Variants in PKHD1L1 observed in about 807,000 individuals in gnomAD.
PKHD1L1 encodes PKHD1 like 1.
In PKHD1L1, 434 loss-of-function variants were observed where a neutral mutation model predicts 462.9. That is an observed-to-expected ratio of 0.94 (90% CI 0.87 to 1.02). The LOEUF (loss-of-function observed/expected upper bound fraction) is 1.02, where lower values mean the gene tolerates loss of function less well. Among genes scored for constraint, PKHD1L1 ranks in the 50% least tolerant of loss-of-function variants. The probability of loss-of-function intolerance (pLI) is 0.00; values close to 1 mark genes in which losing one functional copy is unlikely to be tolerated. For missense variants in PKHD1L1, 5,202 were observed against 5,096.1 expected, an observed-to-expected ratio of 1.02 and a Z score of -0.63; for synonymous variants, 1,781 against 1,750.0, an observed-to-expected ratio of 1.02 and a Z score of -0.44.
intron 71 of PKHD1L1, among the ~76,000 whole-genome samples, chr8:109,513,498 A>T (rs1262282148): frequency 6.6e-6 from 1 of 152,126 alleles, no homozygotes; most frequent in Non-Finnish European, 1.5e-5. Context: ...CTCAGCCAGG[A>T]TCATTAAATT....
intron 2 of PKHD1L1, among the ~76,000 whole-genome samples, chr8:109,378,716 T>G (rs1811958893): frequency 6.6e-6 from 1 of 152,210 alleles, no homozygotes; most frequent in Non-Finnish European, 1.5e-5. Context: ...TATACACAGT[T>G]GCTAACTTTG....
rs761186849 is a variant in PKHD1L1, at chr8:109,483,012, T to G, written c.9483T>G (p.His3161Gln). 6.3e-7 allele frequency: 1 copy of G among 1,595,122 alleles called. No homozygotes were observed. The highest frequency in any genetic ancestry group is 8.5e-7 in the Non-Finnish European group (1 of 1,170,982). ...GGGTGTTTGGTGAGCTGGATCTTCA[T>G]GGAATTCCACATTCAATATATAAAA... ...VLGVFGELDL[H>Q]GIPHSIYKTK... The change falls in exon 57 of 78, where the codon CAT becomes CAG. Residue 3161 changes from histidine (H) to glutamine (Q), a missense_variant. Physicochemically the swap from His to Gln is conservative, Grantham distance 24 (BLOSUM62 0). Coordinates refer to ENST00000378402, the MANE Select transcript of PKHD1L1 (RefSeq NM_177531.6).
chr8:109,508,516 G>A (rs1410041062), intron 70 of PKHD1L1, among the ~76,000 whole-genome samples: 1 of 151,986 alleles, frequency 6.6e-6, no homozygotes, highest in Non-Finnish European at 1.5e-5. Flanking sequence ...ATGGAGAGGA[G>A]AGCAAGAAGT....
At position 109,507,909 on chromosome 8, in the gene PKHD1L1, T is replaced by G. The variant is rs1247676085; in HGVS notation, c.11227+14T>G. The G allele has an allele frequency of 6.2e-7, 1 of 1,612,248 alleles. No individual in the cohort carries two copies. The highest frequency in any genetic ancestry group is 8.5e-7 in the Non-Finnish European group (1 of 1,178,582). On this transcript the variant is annotated intron_variant, in intron 69 of 77. Transcript: ENST00000378402. ...CACCTCATAAAGGTTTGTTGGATCT[T>G]GCTTAATCTGTCATTAGGCCTTAAA... is the stretch of plus-strand genomic sequence containing the variant.
rs1202391066 is a variant in PKHD1L1, at chr8:109,441,345, T to C, written c.4170T>C (p.Asn1390=). 3 of 1,583,228 alleles carry C rather than the reference T, an allele frequency of 1.9e-6. No individual in the cohort carries two copies. Among genetic ancestry groups the C allele is most frequent in the East Asian group, 4.5e-5 (2 of 44,160 alleles). Residue 1390 remains asparagine, a synonymous_variant, in exon 34 of 78, where the codon AAT becomes AAC. Transcript: ENST00000378402. ...VIKCILHSTG[N]IFRITNNGKD... The stretch of plus-strand genomic sequence containing the variant: ...AATGTATTCTTCATTCAACTGGGAA[T>C]ATATTCAGGATTACCAACAATGGGA...
Position 109,384,107 on chromosome 8 carries a change from C to T in PKHD1L1, c.455C>T (p.Thr152Ile), listed in dbSNP as rs1225055102. The change falls in exon 5 of 78, where the codon ACA (threonine) becomes ATA (isoleucine). Residue 152 changes from threonine to isoleucine, a missense_variant. By Grantham distance (89) the Thr-to-Ile change is moderately conservative. This residue lies in a region of PKHD1L1 where 4,497 missense variants were observed against 4,336.8 expected (regional missense o/e 1.04). Transcript: ENST00000378402. ...AGAACCCCAACAATAAGAAGCATCACACCTTTATCTGGAACTCCAGGTCTG... is the reference window on the plus strand; with the variant it reads ...AGAACCCCAACAATAAGAAGCATCATACCTTTATCTGGAACTCCAGGTCTG... ...SFRTPTIRSI[T>I]PLSGTPGTLI... is the part of the protein sequence containing the mutation. 1.2e-6 allele frequency: 2 copies of T among 1,611,118 alleles called. No individual in the cohort carries two copies.
At chr8:109,527,347 T>TA (rs148247296) in intron 77 of PKHD1L1, among the ~76,000 whole-genome samples, 22,515 of 151,640 alleles carry the variant, frequency 0.15, 2,199 homozygotes, top group South Asian at 0.37. Context: ...ACTAAAAATA[T>TA]AAAAAAATTA....
At chr8:109,521,988 TA>T (rs1488401726) in intron 73 of PKHD1L1, among the ~76,000 whole-genome samples, 197 bp from the exon 74 acceptor site, 1 of 152,164 alleles carries the variant, frequency 6.6e-6, no homozygotes, top group East Asian at 1.9e-4. Flanking sequence ...AATTCCAACT[TA>T]AAATATATTC....
chr8:109,433,599 G>A (rs1365655996), intron 28 of PKHD1L1, among the ~76,000 whole-genome samples: 1 of 152,112 alleles, frequency 6.6e-6, no homozygotes, highest in African/African-American at 2.4e-5. Flanking sequence ...GCAGGAAGAG[G>A]ACCTGGCCAT....
chr8:109,454,784 G>C lies in PKHD1L1; in HGVS notation c.6806G>C (p.Arg2269Pro), dbSNP rs762177904. Residue 2269 changes from arginine (R) to proline (P), a missense_variant, in exon 45 of 78, where the codon CGA becomes CCA. This residue lies in a region of PKHD1L1 where 4,497 missense variants were observed against 4,336.8 expected (regional missense o/e 1.04). Coordinates refer to ENST00000378402, the MANE Select transcript of PKHD1L1 (RefSeq NM_177531.6). ...KAVITLHGHL[R>P]SPELPVYGAK... ...GTCATTACCTTGCATGGTCACCTGC[G>C]ATCTCCTGAGCTCCCTGTCTATGGT... is the stretch of plus-strand genomic sequence containing the variant. 5.0e-6 allele frequency: 8 copies of C among 1,613,748 alleles called. No individual in the cohort carries two copies. In the East Asian group the frequency reaches 8.9e-5, roughly 18 times the overall value.
chr8:109,404,453 A>G, intron 14 of PKHD1L1, 101 bp from the exon 15 acceptor site: 1 of 666,044 alleles, frequency 1.5e-6, no homozygotes, highest in Non-Finnish European at 2.2e-6. Context: ...GTCATTTAAC[A>G]GGCAGGCTTT....
intron 67 of PKHD1L1, among the ~76,000 whole-genome samples, chr8:109,500,830 G>C (rs1819373301): frequency 6.6e-6 from 1 of 152,062 alleles, no homozygotes; most frequent in Non-Finnish European, 1.5e-5. Flanking sequence ...GCCTACCTCT[G>C]CATGGTGATC....
chr8:109,492,405 T>A (rs1818878661), intron 62 of PKHD1L1, among the ~76,000 whole-genome samples: 1 of 151,916 alleles, frequency 6.6e-6, no homozygotes, highest in Non-Finnish European at 1.5e-5. Flanking sequence ...TTGTTTCCCA[T>A]GGAGTTTCTT....
Position 109,476,587 on chromosome 8 carries a change from C to T in PKHD1L1, c.8837C>T (p.Ser2946Phe). ...MFNIIDMRNG[S>F]SNPLNWNTSK... ...AATATTATTGATATGAGGAATGGTT[C>T]CTCAAATCCATTGAATTGGAATACT... is the stretch of plus-strand genomic sequence containing the variant. Residue 2946 changes from serine to phenylalanine, a missense_variant, in exon 52 of 78, where the codon TCC becomes TTC. Ser to Phe is a radical substitution (Grantham distance 155). Transcript: ENST00000378402. 1 of 1,580,378 alleles carries T rather than the reference C, an allele frequency of 6.3e-7. No individual in the cohort carries two copies. Among genetic ancestry groups the T allele is most frequent in the Non-Finnish European group, 8.6e-7 (1 of 1,158,458 alleles).
intron 7 of PKHD1L1, 82 bp from the exon 8 acceptor site, chr8:109,388,997 A>G (rs1812573693): frequency 2.2e-6 from 2 of 918,922 alleles, no homozygotes; most frequent in South Asian, 3.4e-5. Flanking sequence ...TTCTGAAATT[A>G]ATGAGTAGTT....
At position 109,460,155 on chromosome 8, in the gene PKHD1L1, T is replaced by G. The variant is rs548727815; in HGVS notation, c.7246+319T>G. Among the ~76,000 whole-genome samples, 168 of 152,252 alleles carry G rather than the reference T, an allele frequency of 1.1e-3. 1 individual carries two copies. The highest frequency in any genetic ancestry group is 3.8e-3 in the African/African-American group (158 of 41,576). On this transcript the variant is annotated intron_variant, in intron 47 of 77. Coordinates refer to ENST00000378402, the MANE Select transcript of PKHD1L1 (RefSeq NM_177531.6). ...ATAAATTATCTTCCTATAATTATGA[T>G]TCATTATTATGTTTAGATTAGACCT...
chr8:109,468,163 C>G (rs1019365962), intron 50 of PKHD1L1, among the ~76,000 whole-genome samples: 1 of 152,274 alleles, frequency 6.6e-6, no homozygotes, highest in East Asian at 1.9e-4. Context: ...CACATGACAG[C>G]TGCTAAAATT....
rs746413117 is a variant in PKHD1L1, at chr8:109,475,071, T to C, written c.8606-47T>C. ...CTTGTTTACAAAAGGAGGAGTTTAT[T>C]AGAGGTAGAGATTACTATTATTTTC... is the stretch of plus-strand genomic sequence containing the variant. On this transcript the variant is annotated intron_variant, in intron 50 of 77. Coordinates refer to ENST00000378402, the MANE Select transcript of PKHD1L1 (RefSeq NM_177531.6). The C allele has an allele frequency of 2.0e-6, 3 of 1,501,730 alleles. No individual in the cohort carries two copies. In the African/African-American group the frequency reaches 4.2e-5, roughly 21 times the overall value. The allele number at this position is 1,501,730 out of a possible 1,614,324, so 93.0% of individuals were successfully genotyped here.
chr8:109,487,003 T>C (rs1818563997), intron 59 of PKHD1L1, among the ~76,000 whole-genome samples, 182 bp downstream of exon 59: 1 of 152,034 alleles, frequency 6.6e-6, no homozygotes, highest in African/African-American at 2.4e-5. Flanking sequence ...CTGCTTTTAA[T>C]TTTATCTTCA....
Sources: allele counts gnomAD v4.1 joint callset (sites outside exome capture counted in the v4.1 genomes callset), GRCh38; gene constraint gnomAD v4.1.1; regional missense constraint gnomAD v4.1.1; transcripts MANE v1.5; gene names NCBI Gene and HGNC (gene_info 2026-07-23, HGNC 2026-07-21).